The following GRB2 variants were observed in gnomAD, a reference collection of about 807,000 sequenced individuals.
GRB2 encodes growth factor receptor-bound protein 2.
A neutral mutation model predicts 27.4 loss-of-function variants in GRB2; 2 were observed. The ratio of observed to expected loss-of-function variants is 0.07; its 90% CI spans 0.03 to 0.23. The LOEUF (loss-of-function observed/expected upper bound fraction) is 0.23, where lower values mean the gene tolerates loss of function less well. GRB2 is among the 10% of genes least tolerant of loss of function. The probability of loss-of-function intolerance (pLI) is 1.00; values close to 1 mark genes in which losing one functional copy is unlikely to be tolerated. For synonymous variants in GRB2, 94 were observed against 99.6 expected (o/e 0.94, Z 0.33); for missense variants, 102 against 282.4 (o/e 0.36, Z 4.58).
intron 2 of GRB2, among the ~76,000 whole-genome samples, chr17:75,369,334 C>G (rs1360360167): frequency 6.6e-6 from 1 of 152,136 alleles, no homozygotes; most frequent in African/African-American, 2.4e-5. Context: ...TAAGCTGGAA[C>G]AGGAGTAGCA....
rs149226176 is a variant in GRB2 at position 75,320,817 on chromosome 17, A to C, written c.469-264T>G. Among the ~76,000 whole-genome samples, 1 of 152,244 alleles carries C rather than the reference A, an allele frequency of 6.6e-6. No individual in the cohort carries two copies. Among genetic ancestry groups the C allele is most frequent in the Non-Finnish European group, 1.5e-5 (1 of 68,018 alleles). ...GGGTGGCCAACTGTGCCGTATTATC[A>C]AGTAGAGGGCAGGCAGTGCTTGGAG... On this transcript the variant is annotated intron_variant, in intron 5 of 5. Transcript: ENST00000316804. This position sits in a 1 kb window ranked among gnomAD's most constrained non-coding sequence, Gnocchi z 4.3.
chr17:75,342,927 C>T (rs979895275), intron 2 of GRB2, among the ~76,000 whole-genome samples: 1 of 151,334 alleles, frequency 6.6e-6, no homozygotes, highest in Non-Finnish European at 1.5e-5. Context: ...TGTGCACATA[C>T]AGTCCCAACT....
At chr17:75,402,754 C>T (rs2079071550) in intron 1 of GRB2, among the ~76,000 whole-genome samples, 1 of 152,096 alleles carries the variant, frequency 6.6e-6, no homozygotes, top group South Asian at 2.1e-4. Flanking sequence ...CCAGATAATG[C>T]ACTACAATGT....
chr17:75,393,016 T>G (rs1482162258), intron 2 of GRB2, among the ~76,000 whole-genome samples: 4 of 152,182 alleles, frequency 2.6e-5, no homozygotes, highest in African/African-American at 9.7e-5. Context: ...ACTCCATTTG[T>G]TTTTTCACAA....
chr17:75,367,197 G>A (rs763731950), intron 2 of GRB2, among the ~76,000 whole-genome samples: 23 of 151,960 alleles, frequency 1.5e-4, no homozygotes, highest in Non-Finnish European at 3.1e-4. Context: ...TCAGGACAGG[G>A]TCTTACTCTG....
At chr17:75,390,316 A>G (rs995050122) in intron 2 of GRB2, among the ~76,000 whole-genome samples, 3 of 152,200 alleles carry the variant, frequency 2.0e-5, no homozygotes, top group Non-Finnish European at 4.4e-5. Context: ...AGTTTGAAGT[A>G]TGTATACATA....
chr17:75,379,400 TAA>T (rs373865766), intron 2 of GRB2, among the ~76,000 whole-genome samples: 1 of 73,636 alleles, frequency 1.4e-5, no homozygotes, highest in Admixed American at 1.6e-4. Context: ...CTTGATTTCT[TAA>T]AAAAAAAAAA....
intron 2 of GRB2, among the ~76,000 whole-genome samples, chr17:75,368,428 C>T (rs1315459861): frequency 2.6e-5 from 4 of 151,022 alleles, no homozygotes; most frequent in Non-Finnish European, 1.5e-5. Flanking sequence ...GTTTCACCAG[C>T]TTGGCCAGGC....
intron 2 of GRB2, among the ~76,000 whole-genome samples, chr17:75,348,973 A>T (rs1411530671): frequency 6.6e-6 from 1 of 152,172 alleles, no homozygotes; most frequent in East Asian, 1.9e-4. Flanking sequence ...ACTGCGCCCA[A>T]CCCAGCAACA....
intron 2 of GRB2, among the ~76,000 whole-genome samples, chr17:75,350,764 T>C (rs1385287726): frequency 6.6e-6 from 1 of 152,206 alleles, no homozygotes; most frequent in Non-Finnish European, 1.5e-5. Flanking sequence ...AGTGCTGGGA[T>C]TACAGGCGTG....
chr17:75,389,702 C>T (rs908763450), intron 2 of GRB2, among the ~76,000 whole-genome samples: 4 of 152,014 alleles, frequency 2.6e-5, no homozygotes, highest in African/African-American at 4.8e-5. Flanking sequence ...AAAAATTAGC[C>T]GGGCGTGCTG....
In GRB2 at chr17:75,320,097, G is replaced by C; in HGVS notation, c.*271C>G. The stretch of plus-strand genomic sequence containing the variant: ...CACTGATGGACAGAAGAGAAAAAAG[G>C]ATGAAAAAAAAGACAAAGGAGGGGA... On this transcript the variant is annotated 3_prime_UTR_variant, in exon 6 of 6. Transcript: ENST00000316804. The surrounding 1 kb of genome is among the most constrained non-coding windows in gnomAD (Gnocchi z 4.3). 2.7e-6 allele frequency: 1 copy of C among 370,394 alleles called. No homozygotes were observed. Among genetic ancestry groups the C allele is most frequent in the African/African-American group, 2.0e-5 (1 of 49,310 alleles). 22.9% of individuals were successfully genotyped at this position (370,394 alleles called of 1,614,324 possible). A position where few individuals can be genotyped will look rare whatever the true frequency, so the allele number is the denominator to read the frequency against.
chr17:75,349,693 T>C (rs371750984), intron 2 of GRB2, among the ~76,000 whole-genome samples: 2 of 152,008 alleles, frequency 1.3e-5, no homozygotes. Flanking sequence ...CTAATTTTTG[T>C]ATTTTAAGTT....
At position 75,348,814 on chromosome 17, in the gene GRB2, T is replaced by G. The variant is rs113737193; in HGVS notation, c.79-16017A>C. On this transcript the variant is annotated intron_variant, in intron 2 of 5. Coordinates refer to ENST00000316804, the MANE Select transcript of GRB2 (RefSeq NM_002086.5). ...CCTCAGTCTCCTGAGTAGCTGGGAC[T>G]ACAGGTGCACGCCGCCACGCCTGGA... 5.3e-5 allele frequency among the ~76,000 whole-genome samples: 8 copies of G among 152,340 alleles called. No individual in the cohort carries two copies. In the East Asian group the frequency reaches 1.3e-3, roughly 26 times the overall value.
chr17:75,334,917 C>T (rs2078566855), intron 2 of GRB2, among the ~76,000 whole-genome samples: 1 of 149,866 alleles, frequency 6.7e-6, no homozygotes, highest in African/African-American at 2.5e-5. Context: ...ACAGTGACAC[C>T]ATCACGGCTC....
intron 2 of GRB2, among the ~76,000 whole-genome samples, chr17:75,357,168 T>C (rs1484961164): frequency 1.3e-5 from 2 of 152,214 alleles, no homozygotes; most frequent in Non-Finnish European, 2.9e-5. Flanking sequence ...ATCATTAAAA[T>C]GTAAGGCAGA....
At chr17:75,358,228 A>G (rs2078746892) in intron 2 of GRB2, among the ~76,000 whole-genome samples, 1 of 152,218 alleles carries the variant, frequency 6.6e-6, no homozygotes, top group African/African-American at 2.4e-5. Context: ...GTAAATAAAT[A>G]TTTAAACCAA....
intron 3 of GRB2, 40 bp downstream of exon 3, chr17:75,332,660 G>A: frequency 5.3e-6 from 6 of 1,131,770 alleles, no homozygotes; most frequent in Non-Finnish European, 8.0e-6. Flanking sequence ...AAACAAGGAG[G>A]TGGGTCCAAC....
chr17:75,360,050 G>A (rs937969090), intron 2 of GRB2, among the ~76,000 whole-genome samples: 1 of 151,586 alleles, frequency 6.6e-6, no homozygotes, highest in Non-Finnish European at 1.5e-5. Flanking sequence ...AGAAGGCTGA[G>A]GTGGGAGGAT....
Sources: gnomAD v4.1 joint callset for allele counts (sites outside exome capture counted in the v4.1 genomes callset) on GRCh38, gnomAD v4.1.1 for gene constraint, Gnocchi (gnomAD v3.1) non-coding constraint, MANE v1.5 for transcripts, NCBI Gene and HGNC (gene_info 2026-07-23, HGNC 2026-07-21) for gene names.